The following CHL1 variants were observed in gnomAD, a reference collection of about 807,000 sequenced individuals.
CHL1 encodes the protein neural cell adhesion molecule L1-like protein.
Under a neutral mutation model 141.9 loss-of-function variants are expected in CHL1, and 96 were observed. That is an observed-to-expected ratio of 0.68 (90% CI 0.57 to 0.80). CHL1 has a LOEUF of 0.80. Ranked by LOEUF, CHL1 falls within the 30% of genes least tolerant of loss-of-function variation. The pLI is 0.00. For missense variants in CHL1, 1,820 were observed against 1,457.2 expected, an observed-to-expected ratio of 1.25 and a Z score of -4.05; for synonymous variants, 613 against 502.2, an observed-to-expected ratio of 1.22 and a Z score of -2.95.
At chr3:286,921 A>C (rs1274028503) in intron 2 of CHL1, among the ~76,000 whole-genome samples, 1 of 152,136 alleles carries the variant, frequency 6.6e-6, no homozygotes, top group Non-Finnish European at 1.5e-5. Context: ...AGTGAGGACC[A>C]CCAGAGGTCA....
In CHL1 at chr3:400,692, C is replaced by T. The variant is rs1709052780; in HGVS notation, c.3386-934C>T. 2.0e-5 allele frequency among the ~76,000 whole-genome samples: 3 copies of T among 150,314 alleles called. No individual in the cohort carries two copies. In the South Asian group the frequency reaches 6.3e-4, roughly 31 times the overall value. On this transcript the variant is annotated intron_variant, in intron 26 of 27. Coordinates refer to ENST00000256509, the MANE Select transcript of CHL1 (RefSeq NM_006614.4). ...TGGTGGCTGCCTGAAATCCTAACTACTCGGGAGGCTGAGGCAGGAGAATCC... is the reference window on the plus strand; with the variant it reads ...TGGTGGCTGCCTGAAATCCTAACTATTCGGGAGGCTGAGGCAGGAGAATCC...
At chr3:352,300 A>G (rs757232754) in intron 10 of CHL1, among the ~76,000 whole-genome samples, 1 of 152,182 alleles carries the variant, frequency 6.6e-6, no homozygotes, top group Non-Finnish European at 1.5e-5. Context: ...AGAACCTGTG[A>G]AGAAACAGTT....
intron 9 of CHL1, among the ~76,000 whole-genome samples, chr3:348,133 C>T (rs1400183497): frequency 5.9e-5 from 9 of 152,064 alleles, no homozygotes; most frequent in Non-Finnish European, 1.0e-4. Flanking sequence ...TTAGGAAGGA[C>T]ATAGGTTGAA....
At chr3:270,345 C>T (rs1369972938) in intron 2 of CHL1, among the ~76,000 whole-genome samples, 2 of 152,136 alleles carry the variant, frequency 1.3e-5, no homozygotes, top group Admixed American at 6.5e-5. Context: ...TATGAGGCTT[C>T]ACATGTTATT....
intron 2 of CHL1, among the ~76,000 whole-genome samples, chr3:293,947 G>A (rs1293749255): frequency 6.6e-6 from 1 of 151,254 alleles, no homozygotes; most frequent in Non-Finnish European, 1.5e-5. Flanking sequence ...TTTTTTTGTA[G>A]AGACAGGCTT....
At chr3:319,643 G>T in intron 2 of CHL1, 40 bp from the exon 3 acceptor site, 10 of 450,142 alleles carry the variant, frequency 2.2e-5, no homozygotes, top group East Asian at 1.3e-4. Context: ...TGAAATTTTA[G>T]AGTTTGTGAA....
chr3:382,185 C>T lies in CHL1; in HGVS notation c.1883C>T (p.Pro628Leu), dbSNP rs761482644. 6 of 1,612,478 alleles carry T rather than the reference C, an allele frequency of 3.7e-6. No homozygotes were observed. The highest frequency in any genetic ancestry group is 5.1e-6 in the Non-Finnish European group (6 of 1,179,014). The change falls in exon 17 of 28, where the codon CCG (proline) becomes CTG (leucine). Residue 628 changes from proline (P) to leucine (L), a missense_variant. Coordinates refer to ENST00000256509, the MANE Select transcript of CHL1 (RefSeq NM_006614.4). ...CCCTTCCTTTATTAATTAGATGTTCCGGATCCACCAGAAAACCTTCACTTG... is the reference window on the plus strand; with the variant it reads ...CCCTTCCTTTATTAATTAGATGTTCTGGATCCACCAGAAAACCTTCACTTG... ...DITQVTVLDV[P>L]DPPENLHLSE...
intron 5 of CHL1, among the ~76,000 whole-genome samples, chr3:337,465 C>A (rs1701981989): frequency 6.6e-6 from 1 of 151,878 alleles, no homozygotes; most frequent in Admixed American, 6.6e-5. Flanking sequence ...GTGCTGCACC[C>A]ATTAACTCAT....
intron 9 of CHL1, among the ~76,000 whole-genome samples, chr3:348,191 G>A (rs762116850): frequency 6.6e-5 from 10 of 152,130 alleles, no homozygotes; most frequent in Admixed American, 1.3e-4. Flanking sequence ...CAAGTTTAGA[G>A]TAGACAAATA....
chr3:276,866 G>A (rs922166389), intron 2 of CHL1, among the ~76,000 whole-genome samples: 12 of 143,780 alleles, frequency 8.3e-5, no homozygotes, highest in African/African-American at 2.8e-4. Flanking sequence ...TCCAGCCTGG[G>A]TGAAAGAGGA....
intron 2 of CHL1, among the ~76,000 whole-genome samples, chr3:246,059 T>A (rs1693134236): frequency 1.3e-5 from 2 of 152,130 alleles, no homozygotes; most frequent in Non-Finnish European, 2.9e-5. Flanking sequence ...ATCAATTCCT[T>A]TGATGATGAT....
At chr3:339,032 G>A (rs1236053388) in intron 5 of CHL1, among the ~76,000 whole-genome samples, 3 of 152,122 alleles carry the variant, frequency 2.0e-5, no homozygotes, top group African/African-American at 7.2e-5. Context: ...GCTTGTTATC[G>A]AAGTGGATTA....
chr3:210,288 A>G (rs1699799257), intron 1 of CHL1, among the ~76,000 whole-genome samples: 1 of 152,268 alleles, frequency 6.6e-6, no homozygotes, highest in Non-Finnish European at 1.5e-5. Context: ...AACTTCAAAC[A>G]ACAGACATTT....
In CHL1 at chr3:399,004, C is replaced by G. The variant is rs989407116; in HGVS notation, c.3254-13C>G. 6.2e-6 allele frequency: 10 copies of G among 1,611,814 alleles called. No individual in the cohort carries two copies. In the African/African-American group the frequency reaches 8.0e-5, roughly 13 times the overall value. On this transcript the variant is annotated splice_polypyrimidine_tract_variant and intron_variant, in intron 25 of 27. Coordinates refer to ENST00000256509, the MANE Select transcript of CHL1 (RefSeq NM_006614.4). Reference sequence around the variant, plus strand: ...TCTAGTTTACAATGCTGTGACTTCTCTTTCTACCACAGAATATGCTGGTTT... The same window carrying G: ...TCTAGTTTACAATGCTGTGACTTCTGTTTCTACCACAGAATATGCTGGTTT...
intron 11 of CHL1, among the ~76,000 whole-genome samples, chr3:357,129 C>T (rs1428570430): frequency 6.6e-6 from 1 of 152,186 alleles, no homozygotes; most frequent in Non-Finnish European, 1.5e-5. Flanking sequence ...GACCACACAG[C>T]TGAATAATGG....
intron 2 of CHL1, among the ~76,000 whole-genome samples, chr3:274,356 A>C (rs545342417): frequency 6.6e-6 from 1 of 152,348 alleles, no homozygotes; most frequent in South Asian, 2.1e-4. Flanking sequence ...GGTAATATTC[A>C]GAAATCTTAC....
In CHL1 at chr3:261,908, C is replaced by A. The variant is rs183221807; in HGVS notation, c.-95+17216C>A. 1.3e-3 allele frequency among the ~76,000 whole-genome samples: 176 copies of A among 133,474 alleles called. 3 individuals carry two copies. The highest frequency in any genetic ancestry group is 7.8e-3 in the Middle Eastern group (2 of 256). 87.6% of individuals were successfully genotyped at this position (133,474 alleles called of 152,430 possible). On this transcript the variant is annotated intron_variant, in intron 2 of 27. Coordinates refer to ENST00000256509, the MANE Select transcript of CHL1 (RefSeq NM_006614.4). ...AATAATCGAGTTTGGGAATTTTTAG[C>A]AGCTTGAGTATATTTAAGCCCAGAT...
At chr3:209,489 C>G (rs1184866206) in intron 1 of CHL1, among the ~76,000 whole-genome samples, 2 of 152,138 alleles carry the variant, frequency 1.3e-5, no homozygotes, top group Non-Finnish European at 2.9e-5. Flanking sequence ...ATCTGAAAAT[C>G]TTATGGAACC....
chr3:384,557 T>A (rs1303068375), intron 19 of CHL1: 1 of 152,208 alleles, frequency 6.6e-6, no homozygotes, highest in African/African-American at 2.4e-5. Flanking sequence ...AAAATGCCCA[T>A]CTACCCAGAT....
Sources: allele counts gnomAD v4.1 joint callset (sites outside exome capture counted in the v4.1 genomes callset), GRCh38; gene constraint gnomAD v4.1.1; transcripts MANE v1.5; gene names NCBI Gene and HGNC (gene_info 2026-07-23, HGNC 2026-07-21).